Variants in PSMF1 observed in about 807,000 individuals in gnomAD.
PSMF1 encodes proteasome inhibitor subunit 1, also known as proteasome inhibitor PI31 subunit.
In PSMF1, 30 loss-of-function variants were observed where a neutral mutation model predicts 29.3. The observed-to-expected ratio is 1.02, with a 90% CI of 0.77 to 1.39. The LOEUF is 1.39. Ranked by LOEUF, PSMF1 falls within the 40% of genes most tolerant of loss-of-function variation. The pLI is 0.00. For synonymous variants in PSMF1, 134 were observed against 139.7 expected, an observed-to-expected ratio of 0.96 and a Z score of 0.29; for missense variants, 344 against 357.5, an observed-to-expected ratio of 0.96 and a Z score of 0.31.
upstream of PSMF1, among the ~76,000 whole-genome samples, chr20:1,113,961 G>A (rs1252985779): frequency 6.6e-6 from 1 of 152,108 alleles, no homozygotes; most frequent in Non-Finnish European, 1.5e-5. Context: ...AAAGTGCTGG[G>A]ATTACAGGCG....
Position 1,127,323 on chromosome 20 carries a change from T to C in PSMF1, c.283-103T>C, listed in dbSNP as rs773271856. 3.4e-6 allele frequency: 3 copies of C among 880,492 alleles called. No individual in the cohort carries two copies. The East Asian group carries it at 7.2e-5, about 21-fold the overall frequency. 54.5% of individuals were successfully genotyped at this position (880,492 alleles called of 1,614,324 possible). On this transcript the variant is annotated intron_variant, in intron 2 of 6. Transcript: ENST00000335877. Reference sequence around the variant, plus strand: ...CCTTATATATGTCTCTGTGGACATATGTGAATATTTCTTTAGGTTGAAGAC... The same window carrying C: ...CCTTATATATGTCTCTGTGGACATACGTGAATATTTCTTTAGGTTGAAGAC...
chr20:1,154,605 C>T (rs756905836), intron 4 of PSMF1, among the ~76,000 whole-genome samples: 5 of 152,204 alleles, frequency 3.3e-5, no homozygotes, highest in Non-Finnish European at 7.3e-5. Flanking sequence ...GGGAAACAGT[C>T]TACCCCCAAA....
intron 4 of PSMF1, among the ~76,000 whole-genome samples, chr20:1,138,114 G>A (rs2086331021): frequency 6.6e-6 from 1 of 152,148 alleles, no homozygotes; most frequent in Non-Finnish European, 1.5e-5. Flanking sequence ...AAAAATAGAA[G>A]AGGAGGGAAT....
chr20:1,137,005 A>G (rs1424192784), intron 4 of PSMF1, among the ~76,000 whole-genome samples: 1 of 152,212 alleles, frequency 6.6e-6, no homozygotes, highest in Non-Finnish European at 1.5e-5. Context: ...ATCTAACAAG[A>G]CATTTGAAAA....
intron 3 of PSMF1, among the ~76,000 whole-genome samples, chr20:1,134,580 G>A (rs540539537): frequency 9.9e-5 from 15 of 152,272 alleles, no homozygotes; most frequent in African/African-American, 3.4e-4. Flanking sequence ...TGTGGCTCAC[G>A]TCACTTGTCT....
chr20:1,115,365 C>T (rs1042469162), upstream of PSMF1, among the ~76,000 whole-genome samples: 9 of 152,056 alleles, frequency 5.9e-5, no homozygotes, highest in Admixed American at 3.3e-4. Context: ...GTGGGGGTGA[C>T]GGAGCTGTCT....
chr20:1,171,008 T>C lies in PSMF1; in HGVS notation c.*5928T>C, dbSNP rs751848841. Among the ~76,000 whole-genome samples, 5 of 152,150 alleles carry C rather than the reference T, an allele frequency of 3.3e-5. No individual in the cohort carries two copies. The highest frequency in any genetic ancestry group is 1.2e-4 in the African/African-American group (5 of 41,420). The stretch of plus-strand genomic sequence containing the variant: ...ATTGGAACCCAGGTCAGTGCTCTTT[T>C]CAGTAGAACTGCTGTACCCAGACCT... On this transcript the variant is annotated 3_prime_UTR_variant, in exon 7 of 7. Transcript: ENST00000335877.
At chr20:1,120,651 A>G (rs901412891) in intron 1 of PSMF1, among the ~76,000 whole-genome samples, 6 of 152,196 alleles carry the variant, frequency 3.9e-5, no homozygotes, top group Non-Finnish European at 8.8e-5. Flanking sequence ...AGAAACTGGT[A>G]TGTGGGATGG....
intron 4 of PSMF1, among the ~76,000 whole-genome samples, chr20:1,149,372 A>G (rs1448744640): frequency 2.0e-5 from 3 of 152,212 alleles, no homozygotes; most frequent in African/African-American, 7.2e-5. Context: ...ACCCGTGTAT[A>G]ATACTATTGT....
intron 4 of PSMF1, among the ~76,000 whole-genome samples, chr20:1,154,047 G>A (rs1044250949): frequency 3.9e-5 from 6 of 152,212 alleles, no homozygotes; most frequent in Non-Finnish European, 7.3e-5. Context: ...CTTCACTTGA[G>A]TATGTATTAC....
At chr20:1,124,085 C>T (rs1403387082) in intron 1 of PSMF1, among the ~76,000 whole-genome samples, 1 of 152,180 alleles carries the variant, frequency 6.6e-6, no homozygotes, top group Non-Finnish European at 1.5e-5. Flanking sequence ...GCAGCCATGG[C>T]AAATGTCTCT....
chr20:1,123,429 C>T (rs1448053201), intron 1 of PSMF1, among the ~76,000 whole-genome samples: 1 of 152,172 alleles, frequency 6.6e-6, no homozygotes, highest in African/African-American at 2.4e-5. Context: ...TATAAATATA[C>T]ATCCATGAAA....
At chr20:1,160,697 C>T in intron 4 of PSMF1, 1 of 492,522 alleles carries the variant, frequency 2.0e-6, no homozygotes, top group East Asian at 6.0e-5. Flanking sequence ...TCAGGTGCCC[C>T]CAACACCAGG....
At chr20:1,115,991 A>G (rs1316740106), upstream of PSMF1, among the ~76,000 whole-genome samples, 1 of 150,434 alleles carries the variant, frequency 6.6e-6, no homozygotes, top group African/African-American at 2.4e-5. Flanking sequence ...TCAGCCTCCC[A>G]AAGTGCTGGG....
chr20:1,127,694 A>G (rs1263511898), intron 3 of PSMF1, among the ~76,000 whole-genome samples, 186 bp downstream of exon 3: 2 of 152,190 alleles, frequency 1.3e-5, no homozygotes, highest in Admixed American at 1.3e-4. Flanking sequence ...TCCATAGGAA[A>G]TGCCACATGA....
At chr20:1,133,569 A>ATATATATATATATATATATATTTTT in intron 3 of PSMF1, among the ~76,000 whole-genome samples, 12 of 53,298 alleles carry the variant, frequency 2.3e-4, no homozygotes, top group South Asian at 6.8e-4. Context: ...ATATATATAT[A>ATATATATATATATATATATATTTTT]TTTTTTTTTT....
At chr20:1,125,254 G>T (rs1600141759) in intron 1 of PSMF1, among the ~76,000 whole-genome samples, 1 of 152,138 alleles carries the variant, frequency 6.6e-6, no homozygotes, top group African/African-American at 2.4e-5. Flanking sequence ...GCAGATTCTT[G>T]ACAGGTTCCA....
rs1202817096 is a variant in PSMF1, at chr20:1,166,357, T to C, written c.*1277T>C. ...CGCTCTGCAGCTAGCATTTCAACCA[T>C]ATGTGGATCCTTTCATTTCTCAGCT... On this transcript the variant is annotated 3_prime_UTR_variant, in exon 7 of 7. Coordinates refer to ENST00000335877, the MANE Select transcript of PSMF1 (RefSeq NM_006814.5). 57 of 1,220,022 alleles carry C rather than the reference T, an allele frequency of 4.7e-5. No homozygotes were observed. The highest frequency in any genetic ancestry group is 3.6e-6 in the Non-Finnish European group (3 of 842,656). The allele number at this position is 1,220,022 out of a possible 1,614,324, so 75.6% of individuals were successfully genotyped here. A position where few individuals can be genotyped will look rare whatever the true frequency, so the allele number is the denominator to read the frequency against.
chr20:1,134,745 T>G (rs2086279659), intron 3 of PSMF1: 1 of 325,610 alleles, frequency 3.1e-6, no homozygotes, highest in African/African-American at 2.2e-5. Context: ...CATGGAGCCT[T>G]TGCCTTCCAT....
Sources: gnomAD v4.1 joint callset for allele counts (sites outside exome capture counted in the v4.1 genomes callset) on GRCh38, gnomAD v4.1.1 for gene constraint, MANE v1.5 for transcripts, NCBI Gene and HGNC (gene_info 2026-07-23, HGNC 2026-07-21) for gene names.